Variants in B3GALT1 observed in about 807,000 individuals in gnomAD.
The protein encoded by B3GALT1 is beta-1,3-galactosyltransferase 1, also known as UDP-Gal:betaGlcNAc beta 1,3-galactosyltransferase, polypeptide 1.
Under a neutral mutation model 23.2 loss-of-function variants are expected in B3GALT1, and 10 were observed. The ratio of observed to expected loss-of-function variants is 0.43; its 90% CI spans 0.27 to 0.73. B3GALT1 has a LOEUF of 0.73. B3GALT1 is among the 30% of genes least tolerant of loss of function. The pLI is 0.21. For synonymous variants in B3GALT1, 156 were observed against 141.5 expected (o/e 1.10, Z -0.73); for missense variants, 299 against 405.4 (o/e 0.74, Z 2.25).
At chr2:167,665,444 G>C (rs531115944) in intron 3 of B3GALT1, among the ~76,000 whole-genome samples, 1,656 of 146,414 alleles carry the variant, frequency 0.011, 19 homozygotes, top group African/African-American at 0.042. Context: ...TGTGTCTCTG[G>C]CCGGCTTTGG....
chr2:167,827,064 G>A (rs1208896817), intron 4 of B3GALT1, among the ~76,000 whole-genome samples: 2 of 152,178 alleles, frequency 1.3e-5, no homozygotes, highest in African/African-American at 4.8e-5. Context: ...CATGCTTCCT[G>A]TTCAGAGGCA....
At chr2:167,643,697 C>G (rs1685694072) in intron 2 of B3GALT1, among the ~76,000 whole-genome samples, 1 of 152,180 alleles carries the variant, frequency 6.6e-6, no homozygotes, top group African/African-American at 2.4e-5. Context: ...ACACATTCTT[C>G]CTAAAATCTT....
intron 3 of B3GALT1, among the ~76,000 whole-genome samples, chr2:167,686,346 A>G (rs1030869850): frequency 3.3e-5 from 5 of 152,204 alleles, no homozygotes; most frequent in Admixed American, 1.3e-4. Flanking sequence ...AACCTCACCT[A>G]TTTAAGATTT....
rs974447272 is a variant in B3GALT1 at position 167,779,124 on chromosome 2, A to G, written c.-351-39548A>G. Among the ~76,000 whole-genome samples the G allele has an allele frequency of 5.3e-5, 4 of 75,472 alleles. No individual in the cohort carries two copies. The East Asian group carries it at 2.0e-3, about 37-fold the overall frequency. The allele number at this position is 75,472 out of a possible 152,430, so 49.5% of individuals were successfully genotyped here. On this transcript the variant is annotated intron_variant, in intron 3 of 4. Coordinates refer to ENST00000392690, the MANE Select transcript of B3GALT1 (RefSeq NM_020981.4). ...TAAGAAGAATTTACAAAATAGAAAT[A>G]CATCTTTCTTTCATTCACTCACTTT...
chr2:167,510,380 C>A (rs1258670273), intron 2 of B3GALT1, among the ~76,000 whole-genome samples: 1 of 149,266 alleles, frequency 6.7e-6, no homozygotes, highest in East Asian at 1.9e-4. Context: ...TGGAACCATG[C>A]CTTATAAATT....
At chr2:167,643,182 G>A (rs1370335197) in intron 2 of B3GALT1, among the ~76,000 whole-genome samples, 7 of 152,110 alleles carry the variant, frequency 4.6e-5, no homozygotes, top group South Asian at 2.1e-4. Flanking sequence ...AAGATAAAAC[G>A]TATACATTAA....
chr2:167,620,644 G>C (rs541998780), intron 2 of B3GALT1, among the ~76,000 whole-genome samples: 38 of 152,104 alleles, frequency 2.5e-4, no homozygotes, highest in Admixed American at 1.6e-3. Flanking sequence ...TGAAAAATTT[G>C]AGTCACCCAA....
chr2:167,564,291 CT>C (rs1684102403), intron 2 of B3GALT1, among the ~76,000 whole-genome samples: 2 of 151,708 alleles, frequency 1.3e-5, no homozygotes, highest in African/African-American at 2.4e-5. Context: ...CGCTCCCCCC[CT>C]CCCAGATGTG....
intron 3 of B3GALT1, among the ~76,000 whole-genome samples, chr2:167,790,739 G>C (rs184366266): frequency 6.6e-6 from 1 of 152,166 alleles, no homozygotes; most frequent in East Asian, 1.9e-4. Context: ...TGAAAGCCTG[G>C]TTAGCTCCTT....
intron 3 of B3GALT1, among the ~76,000 whole-genome samples, chr2:167,776,599 C>A (rs1024580240): frequency 6.6e-6 from 1 of 151,976 alleles, no homozygotes; most frequent in African/African-American, 2.4e-5. Flanking sequence ...AGTGGACAGG[C>A]CGAGAACTCC....
At chr2:167,534,775 A>G (rs1368284141) in intron 2 of B3GALT1, among the ~76,000 whole-genome samples, 1 of 152,222 alleles carries the variant, frequency 6.6e-6, no homozygotes, top group African/African-American at 2.4e-5. Context: ...ATGTCATCTT[A>G]GGTAAATTTG....
chr2:167,730,524 G>A (rs533474822), intron 3 of B3GALT1, among the ~76,000 whole-genome samples: 1 of 152,268 alleles, frequency 6.6e-6, no homozygotes, highest in East Asian at 1.9e-4. Context: ...TACCAAGGCA[G>A]AGACAGGCTC....
At chr2:167,580,620 A>G (rs559562853) in intron 2 of B3GALT1, among the ~76,000 whole-genome samples, 64 of 152,224 alleles carry the variant, frequency 4.2e-4, no homozygotes, top group African/African-American at 1.5e-3. Flanking sequence ...GCCTGACTCT[A>G]TGTTAAAATA....
chr2:167,842,845 C>T (rs1689678272), intron 4 of B3GALT1, among the ~76,000 whole-genome samples: 1 of 152,140 alleles, frequency 6.6e-6, no homozygotes. Flanking sequence ...TGTATTCCAG[C>T]CTGCACAACA....
chr2:167,399,823 C>A (rs1031480428), intron 1 of B3GALT1, among the ~76,000 whole-genome samples: 1 of 151,916 alleles, frequency 6.6e-6, no homozygotes, highest in Non-Finnish European at 1.5e-5. Flanking sequence ...TTTATATTTT[C>A]TTCTGTCTTG....
chr2:167,400,929 A>G (rs994675620), intron 1 of B3GALT1, among the ~76,000 whole-genome samples: 9 of 152,152 alleles, frequency 5.9e-5, no homozygotes, highest in East Asian at 1.9e-4. Context: ...ACTCAGTCCA[A>G]TAGCGGGAAC....
chr2:167,697,895 T>C (rs142232200), intron 3 of B3GALT1, among the ~76,000 whole-genome samples: 2 of 152,312 alleles, frequency 1.3e-5, no homozygotes, highest in East Asian at 3.9e-4. Flanking sequence ...TGAATTGATA[T>C]TTTACCCATC....
rs112118285 is a variant in B3GALT1 at position 167,823,358 on chromosome 2, T to TA, written c.-230+4575dup. ...TTAGAAGCCCCAAAAGGACTGGAACTAAAAAAAAAATCATTCTTAACTGTG... is the reference window on the plus strand; with the variant it reads ...TTAGAAGCCCCAAAAGGACTGGAACTAAAAAAAAAAATCATTCTTAACTGTG... On this transcript the variant is annotated intron_variant, in intron 4 of 4. Transcript: ENST00000392690. 7.2e-4 allele frequency among the ~76,000 whole-genome samples: 108 copies of TA among 149,826 alleles called. 1 individual carries two copies. Among genetic ancestry groups the TA allele is most frequent in the Middle Eastern group, 3.4e-3 (1 of 292 alleles).
intron 3 of B3GALT1, among the ~76,000 whole-genome samples, chr2:167,725,702 C>T (rs1042655049): frequency 1.3e-5 from 2 of 151,996 alleles, no homozygotes; most frequent in African/African-American, 2.4e-5. Flanking sequence ...AAAATATACC[C>T]GAAAACCCTC....
Sources: gnomAD v4.1 joint callset for allele counts (sites outside exome capture counted in the v4.1 genomes callset) on GRCh38, gnomAD v4.1.1 for gene constraint, MANE v1.5 for transcripts, NCBI Gene and HGNC (gene_info 2026-07-23, HGNC 2026-07-21) for gene names.